Variants in RNASEH2A observed in about 807,000 individuals in gnomAD.
RNASEH2A encodes the protein RNase H(35).
Under a neutral mutation model 32.7 loss-of-function variants are expected in RNASEH2A, and 30 were observed. The ratio of observed to expected loss-of-function variants is 0.92; its 90% confidence interval spans 0.69 to 1.25. RNASEH2A has a LOEUF of 1.25. Ranked by LOEUF, RNASEH2A falls within the 50% of genes most tolerant of loss-of-function variation. The probability of loss-of-function intolerance (pLI) is 0.00; values close to 1 mark genes in which losing one functional copy is unlikely to be tolerated. For synonymous variants in RNASEH2A, 147 were observed against 165.4 expected (o/e 0.89, Z 0.86); for missense variants, 409 against 398.1 (o/e 1.03, Z -0.23).
rs1969049262 is a variant in RNASEH2A, at chr19:12,809,981, C to T, written c.412-90C>T. ...TGGGGACGTGCTGGAGAAGAGGATT[C>T]TGGGTAGCAGGAAGAACGTGCCAGG... On this transcript the variant is annotated intron_variant, in intron 4 of 7. Transcript: ENST00000221486. 6 of 1,531,778 alleles carry T rather than the reference C, an allele frequency of 3.9e-6. No individual in the cohort carries two copies. The South Asian group carries it at 4.5e-5, about 11-fold the overall frequency. 94.9% of individuals were successfully genotyped at this position (1,531,778 alleles called of 1,614,324 possible). A position where few individuals can be genotyped will look rare whatever the true frequency, so the allele number is the denominator to read the frequency against.
intron 6 of RNASEH2A, among the ~76,000 whole-genome samples, chr19:12,812,246 A>G (rs1445005556): frequency 6.6e-6 from 1 of 152,046 alleles, no homozygotes; most frequent in East Asian, 1.9e-4. Flanking sequence ...AAAAATAAAA[A>G]GGCTGGGTGT....
At chr19:12,812,776 G>C (rs543535702) in intron 6 of RNASEH2A, among the ~76,000 whole-genome samples, 5 of 152,114 alleles carry the variant, frequency 3.3e-5, no homozygotes. Context: ...GGAGGCCGAG[G>C]GGGGTAGATC....
rs1182449523 is a variant in RNASEH2A, at chr19:12,807,473, G to C, written c.378G>C (p.Gln126His). ...LSHDTATGLI[Q>H]YALDQGVNVT... The stretch of plus-strand genomic sequence containing the variant: ...ATGATACAGCCACTGGGCTTATACA[G>C]TATGCATTGGACCAGGGCGTGAACG... Residue 126 changes from glutamine (Q) to histidine (H), a missense_variant, in exon 4 of 8, where the codon CAG becomes CAC. Coordinates refer to ENST00000221486, the MANE Select transcript of RNASEH2A (RefSeq NM_006397.3). 30 of 1,614,086 alleles carry C rather than the reference G, an allele frequency of 1.9e-5. No homozygotes were observed. The highest frequency in any genetic ancestry group is 2.5e-5 in the Non-Finnish European group (29 of 1,180,038).
intron 4 of RNASEH2A, among the ~76,000 whole-genome samples, chr19:12,808,231 G>A (rs367733842): frequency 6.6e-6 from 1 of 152,120 alleles, no homozygotes; most frequent in Non-Finnish European, 1.5e-5. Context: ...CAGCCTGGGG[G>A]ACAGAGCGAA....
chr19:12,806,887 G>A, intron 1 of RNASEH2A, 87 bp downstream of exon 1: 1 of 1,597,346 alleles, frequency 6.3e-7, no homozygotes, highest in Non-Finnish European at 8.5e-7. Flanking sequence ...CAAGGGAGGG[G>A]ATGTGGTCGT....
chr19:12,810,831 ATTT>A (rs1969062030), intron 6 of RNASEH2A, among the ~76,000 whole-genome samples: 1 of 151,218 alleles, frequency 6.6e-6, no homozygotes, highest in South Asian at 2.1e-4. Flanking sequence ...TGCCCAGCCT[ATTT>A]TTTGTTTTTA....
chr19:12,807,929 C>T (rs1969019672), intron 4 of RNASEH2A: 1 of 214,172 alleles, frequency 4.7e-6, no homozygotes, highest in Non-Finnish European at 9.5e-6. Flanking sequence ...AAGACCCTGT[C>T]TCAAAAAAAT....
rs372984331 is a variant in RNASEH2A, at chr19:12,810,352, C to T, written c.585C>T (p.Phe195=). The T allele has an allele frequency of 1.5e-5, 24 of 1,613,998 alleles. 1 individual carries two copies. The South Asian group carries it at 1.5e-4, about 10-fold the overall frequency. ...ARDQAVKKWQ[F]VEKLQDLDTD... ...ACCAGGCCGTGAAGAAATGGCAGTT[C>T]GTGGAGAAACTGCAGGACTTGGATA... is the stretch of plus-strand genomic sequence containing the variant. Residue 195 remains phenylalanine, a synonymous_variant, in exon 6 of 8, where the codon TTC becomes TTT. Coordinates refer to ENST00000221486, the MANE Select transcript of RNASEH2A (RefSeq NM_006397.3).
chr19:12,806,927 T>G (rs1039975653), intron 1 of RNASEH2A, 81 bp from the exon 2 acceptor site: 2 of 1,603,180 alleles, frequency 1.2e-6, no homozygotes, highest in Admixed American at 3.3e-5. Context: ...GCAGTGATGA[T>G]AGAACAGGGA....
rs550502388 is a variant in RNASEH2A, at chr19:12,807,804, C to T, written c.411+298C>T. On this transcript the variant is annotated intron_variant, in intron 4 of 7. Transcript: ENST00000221486. ...AAAATTAGCTGGACGTGGTGGCAGG[C>T]GCCTGTAATCCTAGCTACTCAGGAG... The T allele has an allele frequency of 1.5e-5, 6 of 389,178 alleles. No homozygotes were observed. In the East Asian group the frequency reaches 2.5e-4, roughly 16 times the overall value. 24.1% of individuals were successfully genotyped at this position (389,178 alleles called of 1,614,324 possible).
intron 4 of RNASEH2A, chr19:12,807,796 G>T (rs1969017451): frequency 7.5e-6 from 3 of 400,232 alleles, no homozygotes; most frequent in Non-Finnish European, 1.4e-5. Context: ...GCTGGACGTG[G>T]TGGCAGGCGC....
Position 12,813,333 on chromosome 19 carries a change from A to G in RNASEH2A, c.767A>G (p.Asp256Gly). 6.2e-7 allele frequency: 1 copy of G among 1,613,962 alleles called. No individual in the cohort carries two copies. Among genetic ancestry groups the G allele is most frequent in the Non-Finnish European group, 8.5e-7 (1 of 1,180,010 alleles). The change falls in exon 8 of 8, where the codon GAC becomes GGC. Residue 256 changes from aspartate to glycine, a missense_variant. Transcript: ENST00000221486. ...EKEAEDVIWE[D>G]SASENQEGLR... ...TCATCACCTCTCTCCCACAGGGAGG[A>G]CTCAGCATCCGAGAATCAGGAGGGA...
rs1432937538 is a variant in RNASEH2A, at chr19:12,813,546, A to C, written c.*80A>C. 7.6e-6 allele frequency: 12 copies of C among 1,583,044 alleles called. No homozygotes were observed. Among genetic ancestry groups the C allele is most frequent in the Non-Finnish European group, 1.0e-5 (12 of 1,163,564 alleles). ...AAGGAGAACCACACGTAGGGGATGT[A>C]CTTTTGGGACAGAAGCAAGGTGGGA... is the stretch of plus-strand genomic sequence containing the variant. On this transcript the variant is annotated 3_prime_UTR_variant, in exon 8 of 8. Coordinates refer to ENST00000221486, the MANE Select transcript of RNASEH2A (RefSeq NM_006397.3).
intron 6 of RNASEH2A, 74 bp from the exon 7 acceptor site, chr19:12,813,009 A>C: frequency 1.2e-6 from 2 of 1,602,586 alleles, no homozygotes; most frequent in South Asian, 2.2e-5. Flanking sequence ...ATCTCAAAGA[A>C]AAAAAAAAGA....
intron 6 of RNASEH2A, among the ~76,000 whole-genome samples, chr19:12,811,583 A>G (rs759512319): frequency 8.6e-5 from 13 of 151,084 alleles, no homozygotes; most frequent in Non-Finnish European, 1.5e-4. Flanking sequence ...ATGCCACTGC[A>G]CTCCAGCCTT....
At position 12,808,548 on chromosome 19, in the gene RNASEH2A, C is replaced by T. The variant is rs546371337; in HGVS notation, c.411+1042C>T. ...TGGACACCTGCTGAGTGTCGTCTCT[C>T]GTCCCTCACCCTCCTATCCCCTCCA... On this transcript the variant is annotated intron_variant, in intron 4 of 7. Transcript: ENST00000221486. Among the ~76,000 whole-genome samples, 12 of 152,190 alleles carry T rather than the reference C, an allele frequency of 7.9e-5. No homozygotes were observed. The South Asian group carries it at 1.7e-3, about 21-fold the overall frequency.
intron 6 of RNASEH2A, 104 bp downstream of exon 6, chr19:12,810,508 C>G: frequency 9.2e-7 from 1 of 1,089,248 alleles, no homozygotes; most frequent in Middle Eastern, 2.3e-4. Context: ...TTTTATTTTG[C>G]TTATTTTTTG....
At chr19:12,807,692 G>C (rs770272566) in intron 4 of RNASEH2A, 186 bp downstream of exon 4, 13 of 644,454 alleles carry the variant, frequency 2.0e-5, no homozygotes, top group Non-Finnish European at 3.7e-5. Context: ...AGCACTTTGG[G>C]AAGCCGCGGC....
In RNASEH2A at chr19:12,810,115, G is replaced by T; in HGVS notation, c.456G>T (p.Arg152=). The change falls in exon 5 of 8, where the codon CGG becomes CGT. Residue 152 remains arginine, a synonymous_variant. Transcript: ENST00000221486. ...TVGMPETYQA[R]LQQSFPGIEV... ...GGATGCCAGAGACATACCAGGCGCG[G>T]CTGCAGCAAAGTTTTCCCGGGATTG... The T allele has an allele frequency of 5.6e-6, 9 of 1,614,228 alleles. No individual in the cohort carries two copies. Among genetic ancestry groups the T allele is most frequent in the Non-Finnish European group, 7.6e-6 (9 of 1,180,038 alleles).
Sources: allele counts gnomAD v4.1 joint callset (sites outside exome capture counted in the v4.1 genomes callset), GRCh38; gene constraint gnomAD v4.1.1; transcripts MANE v1.5; gene names NCBI Gene and HGNC (gene_info 2026-07-23, HGNC 2026-07-21).